SLC35F3: variants seen among roughly 807,000 people sequenced by gnomAD.
The protein encoded by SLC35F3 is solute carrier family 35 member F3, also known as putative thiamine transporter SLC35F3.
In SLC35F3, 25 loss-of-function variants were observed where a neutral mutation model predicts 49.9. That is an observed-to-expected ratio of 0.50 (90% CI 0.37 to 0.70). The LOEUF is 0.70. Among genes scored for constraint, SLC35F3 ranks in the 30% least tolerant of loss-of-function variants. The pLI, the probability that SLC35F3 is intolerant of heterozygous loss-of-function variation, is 0.00. For synonymous variants in SLC35F3, 275 were observed against 265.4 expected (o/e 1.04, Z -0.35); for missense variants, 525 against 639.8 (o/e 0.82, Z 1.94).
intron 3 of SLC35F3, among the ~76,000 whole-genome samples, chr1:234,259,786 G>A (rs1287122213): frequency 1.3e-5 from 2 of 151,910 alleles, no homozygotes; most frequent in Non-Finnish European, 2.9e-5. Flanking sequence ...TTGTTTTCTG[G>A]TGGTTGCCTA....
rs1334173278 is a variant in SLC35F3, at chr1:234,320,117, T to A, written c.1167T>A (p.Asn389Lys). 2.5e-6 allele frequency: 4 copies of A among 1,611,094 alleles called. No individual in the cohort carries two copies. The highest frequency in any genetic ancestry group is 3.4e-6 in the Non-Finnish European group (4 of 1,177,220). The change falls in exon 7 of 8, where the codon AAT becomes AAA. Residue 389 changes from asparagine (N) to lysine (K), a missense_variant. Physicochemically the swap from Asn to Lys is moderately conservative, Grantham distance 94 (BLOSUM62 0). Coordinates refer to ENST00000366618, the MANE Select transcript of SLC35F3 (RefSeq NM_173508.4). The surrounding 1 kb of genome is among the most constrained non-coding windows in gnomAD (Gnocchi z 4.8). ...VLLLTFNIVL[N>K]FGIAVTYPTL... is the part of the protein sequence containing the mutation. The stretch of plus-strand genomic sequence containing the variant: ...TTTCAGCATTCAATATTGTATTAAA[T>A]TTTGGAATTGCCGTTACATATCCCA...
chr1:234,079,340 G>T (rs1402099336), intron 2 of SLC35F3, among the ~76,000 whole-genome samples: 1 of 152,118 alleles, frequency 6.6e-6, no homozygotes, highest in Non-Finnish European at 1.5e-5. Flanking sequence ...AAACAGTAAA[G>T]CTCTTAGAAG....
intron 2 of SLC35F3, among the ~76,000 whole-genome samples, chr1:234,163,233 C>T (rs1413943439): frequency 6.6e-6 from 1 of 152,186 alleles, no homozygotes; most frequent in East Asian, 1.9e-4. Flanking sequence ...GTACATCATA[C>T]AATACACCTT....
intron 2 of SLC35F3, among the ~76,000 whole-genome samples, chr1:233,918,426 G>A (rs61243058): frequency 0.053 from 7,993 of 152,184 alleles, 665 homozygotes; most frequent in African/African-American, 0.18. Context: ...GTGTCTGTGT[G>A]ATTTTGGGGG....
chr1:233,909,913 A>G (rs1431089125), intron 2 of SLC35F3, among the ~76,000 whole-genome samples: 5 of 152,208 alleles, frequency 3.3e-5, no homozygotes, highest in African/African-American at 9.7e-5. Flanking sequence ...CCTACCTTAC[A>G]AATTCCTGAC....
chr1:234,132,910 G>A (rs984745508), intron 2 of SLC35F3, among the ~76,000 whole-genome samples: 2 of 152,172 alleles, frequency 1.3e-5, no homozygotes, highest in Non-Finnish European at 2.9e-5. Flanking sequence ...CAACTATTGA[G>A]TGCTGACTCT....
rs961266409 is a variant in SLC35F3 at position 234,320,792 on chromosome 1, C to T, written c.1237+605C>T. 7.2e-5 allele frequency among the ~76,000 whole-genome samples: 11 copies of T among 152,184 alleles called. No homozygotes were observed. The highest frequency in any genetic ancestry group is 2.7e-4 in the African/African-American group (11 of 41,460). On this transcript the variant is annotated intron_variant, in intron 7 of 7. Transcript: ENST00000366618. The surrounding 1 kb of genome is among the most constrained non-coding windows in gnomAD (Gnocchi z 4.8). ...CGTTGCCAAGGCACACAGTTGACAG[C>T]TCTTTCAGAAGCTTGTCTTCACCTG...
At chr1:234,263,809 T>C (rs989791195) in intron 3 of SLC35F3, among the ~76,000 whole-genome samples, 5 of 152,086 alleles carry the variant, frequency 3.3e-5, no homozygotes, top group African/African-American at 1.2e-4. Context: ...CCAGGGGAGC[T>C]TTTAAGAGTC....
chr1:234,117,419 C>T (rs1446725093), intron 2 of SLC35F3, among the ~76,000 whole-genome samples: 1 of 151,990 alleles, frequency 6.6e-6, no homozygotes, highest in Non-Finnish European at 1.5e-5. Flanking sequence ...TGGTGAAATC[C>T]TGTCTCTACT....
chr1:234,297,551 A>G (rs183124070), intron 3 of SLC35F3, among the ~76,000 whole-genome samples: 2 of 152,286 alleles, frequency 1.3e-5, no homozygotes, highest in South Asian at 2.1e-4. Flanking sequence ...GACAAATACT[A>G]TATGATCTCA....
At chr1:234,077,225 C>T in intron 2 of SLC35F3, among the ~76,000 whole-genome samples, 1 of 151,378 alleles carries the variant, frequency 6.6e-6, no homozygotes. Flanking sequence ...AGGATGGTCT[C>T]GATCTCCTGA....
At chr1:234,071,408 G>A (rs778693401) in intron 2 of SLC35F3, among the ~76,000 whole-genome samples, 4 of 152,102 alleles carry the variant, frequency 2.6e-5, no homozygotes, top group African/African-American at 7.2e-5. Context: ...GAGCAAAGAC[G>A]ACGTTCTTGT....
intron 2 of SLC35F3, among the ~76,000 whole-genome samples, chr1:234,052,082 G>A (rs1466632717): frequency 1.3e-5 from 2 of 152,198 alleles, no homozygotes; most frequent in East Asian, 3.8e-4. Flanking sequence ...GTTCATCAGG[G>A]ATATTGGTCT....
At chr1:234,291,621 G>T (rs778476977) in intron 3 of SLC35F3, among the ~76,000 whole-genome samples, 2 of 152,088 alleles carry the variant, frequency 1.3e-5, no homozygotes, top group African/African-American at 2.4e-5. Context: ...TAAGAGGCAG[G>T]TCTCACTCTG....
At chr1:234,065,410 G>T (rs746629258) in intron 2 of SLC35F3, among the ~76,000 whole-genome samples, 14 of 152,130 alleles carry the variant, frequency 9.2e-5, no homozygotes, top group Non-Finnish European at 1.0e-4. Context: ...GCCTCCCAAA[G>T]TGCTGGTATT....
intron 2 of SLC35F3, among the ~76,000 whole-genome samples, chr1:234,049,117 A>C (rs1181847395): frequency 2.0e-5 from 3 of 152,196 alleles, no homozygotes; most frequent in African/African-American, 7.2e-5. Flanking sequence ...AAATTAGTTA[A>C]GACTTTGGAG....
intron 2 of SLC35F3, among the ~76,000 whole-genome samples, chr1:234,024,994 C>T (rs1240946216): frequency 1.3e-5 from 2 of 152,188 alleles, no homozygotes; most frequent in African/African-American, 2.4e-5. Context: ...CTTGTAGTCC[C>T]CAGTGTCTAT....
At chr1:234,137,608 G>T (rs974860907) in intron 2 of SLC35F3, among the ~76,000 whole-genome samples, 1 of 152,204 alleles carries the variant, frequency 6.6e-6, no homozygotes, top group Non-Finnish European at 1.5e-5. Context: ...GATTTGTCAG[G>T]TAAAGGTGGA....
chr1:234,063,948 G>A (rs1664580246), intron 2 of SLC35F3, among the ~76,000 whole-genome samples: 1 of 152,212 alleles, frequency 6.6e-6, no homozygotes, highest in South Asian at 2.1e-4. Flanking sequence ...TGTGGGATCT[G>A]AGGGTCCAGA....
Sources: allele counts gnomAD v4.1 joint callset (sites outside exome capture counted in the v4.1 genomes callset), GRCh38; gene constraint gnomAD v4.1.1; non-coding constraint Gnocchi (gnomAD v3.1); transcripts MANE v1.5; gene names NCBI Gene and HGNC (gene_info 2026-07-23, HGNC 2026-07-21).